GRIN2A: variants seen among roughly 807,000 people sequenced by gnomAD.
GRIN2A encodes glutamate receptor ionotropic, NMDA 2A.
Under a neutral mutation model 113.4 loss-of-function variants are expected in GRIN2A, and 22 were observed. That is an observed-to-expected ratio of 0.19 (90% CI 0.14 to 0.28). The LOEUF (loss-of-function observed/expected upper bound fraction) is 0.28, where lower values mean the gene tolerates loss of function less well. GRIN2A is among the 10% of genes least tolerant of loss of function. The pLI is 1.00. For missense variants in GRIN2A, 1,502 were observed against 1,887.0 expected, an observed-to-expected ratio of 0.80 and a Z score of 3.78; for synonymous variants, 827 against 738.4, an observed-to-expected ratio of 1.12 and a Z score of -1.94.
At chr16:9,803,143 G>A (rs1353940989) in intron 10 of GRIN2A, among the ~76,000 whole-genome samples, 2 of 152,164 alleles carry the variant, frequency 1.3e-5, no homozygotes, top group African/African-American at 2.4e-5. Flanking sequence ...AGTGGCTAGC[G>A]CCTAAAGTCC....
chr16:10,137,547 C>G (rs188137530), intron 2 of GRIN2A, among the ~76,000 whole-genome samples: 4 of 152,326 alleles, frequency 2.6e-5, no homozygotes, highest in Admixed American at 2.0e-4. Flanking sequence ...GGACGAAGTT[C>G]AAACTCCATA....
intron 3 of GRIN2A, among the ~76,000 whole-genome samples, chr16:9,903,258 G>T (rs966253160): frequency 6.6e-6 from 1 of 152,014 alleles, no homozygotes; most frequent in Non-Finnish European, 1.5e-5. Context: ...GTGAGTCACC[G>T]TGCCCGGCCT....
rs1060504864 is a variant in GRIN2A at position 9,764,178 on chromosome 16, A to C, written c.3366T>G (p.Gly1122=). Residue 1122 remains glycine (G), a synonymous_variant, in exon 13 of 13, where the codon GGT becomes GGG. Coordinates refer to ENST00000330684, the MANE Select transcript of GRIN2A (RefSeq NM_001134407.3). The part of the protein sequence containing the change: ...SPRDKIYTID[G]EKEPGFHLDP... ...CTAAGTGGAAACCAGGCTCCTTCTC[A>C]CCATCTATAGTGTAGATCTTGTCTC... 11 of 1,613,352 alleles carry C rather than the reference A, an allele frequency of 6.8e-6. No individual in the cohort carries two copies. In the Admixed American group the frequency reaches 1.8e-4, roughly 27 times the overall value.
rs1432754649 is a variant in GRIN2A at position 9,840,917 on chromosome 16, G to A, written c.1497+19C>T. ...CCCTTTGTCTGAGTAAGAGCCTAGGGGATGAAAAGATAACTTACTTCACCG... is the reference window on the plus strand; with the variant it reads ...CCCTTTGTCTGAGTAAGAGCCTAGGAGATGAAAAGATAACTTACTTCACCG... On this transcript the variant is annotated intron_variant, in intron 6 of 12. Transcript: ENST00000330684. 4 of 1,612,818 alleles carry A rather than the reference G, an allele frequency of 2.5e-6. No individual in the cohort carries two copies. The South Asian group carries it at 4.4e-5, about 18-fold the overall frequency.
chr16:9,792,687 C>A (rs1297027390), intron 11 of GRIN2A, among the ~76,000 whole-genome samples: 4 of 151,892 alleles, frequency 2.6e-5, no homozygotes, highest in African/African-American at 9.7e-5. Context: ...GTTAAATGAC[C>A]TCAGACTAGA....
chr16:9,944,719 T>A (rs1567192301), intron 2 of GRIN2A, among the ~76,000 whole-genome samples: 1 of 152,156 alleles, frequency 6.6e-6, no homozygotes, highest in Non-Finnish European at 1.5e-5. Context: ...CCTTGCAGAC[T>A]GCTGGACCAC....
At chr16:10,135,484 T>C (rs564923322) in intron 2 of GRIN2A, among the ~76,000 whole-genome samples, 1 of 152,368 alleles carries the variant, frequency 6.6e-6, no homozygotes, top group South Asian at 2.1e-4. Flanking sequence ...CTCCAAATTA[T>C]TCTAGCCTCT....
intron 2 of GRIN2A, among the ~76,000 whole-genome samples, chr16:9,962,123 A>G (rs1238241619): frequency 6.6e-6 from 1 of 152,254 alleles, no homozygotes; most frequent in East Asian, 1.9e-4. Context: ...AAGATGGATT[A>G]AAGACTTATA....
chr16:9,796,980 TA>T (rs1301784072), intron 11 of GRIN2A, among the ~76,000 whole-genome samples: 1 of 152,216 alleles, frequency 6.6e-6, no homozygotes, highest in African/African-American at 2.4e-5. Flanking sequence ...GAGTTAAATA[TA>T]AAACACATTT....
At chr16:10,083,738 T>C (rs2048030661) in intron 2 of GRIN2A, among the ~76,000 whole-genome samples, 1 of 152,254 alleles carries the variant, frequency 6.6e-6, no homozygotes, top group African/African-American at 2.4e-5. Context: ...GAATTCTTTC[T>C]ATGAAGAGTC....
intron 10 of GRIN2A, among the ~76,000 whole-genome samples, chr16:9,815,040 A>AAT (rs371827140): frequency 6.7e-6 from 1 of 148,362 alleles, no homozygotes. Flanking sequence ...AAAAAAAAAA[A>AAT]GGTACATTCC....
intron 5 of GRIN2A, among the ~76,000 whole-genome samples, chr16:9,846,471 C>G (rs2042774336): frequency 6.6e-6 from 1 of 152,170 alleles, no homozygotes; most frequent in Non-Finnish European, 1.5e-5. Context: ...ATCTCAAGGA[C>G]TGAGATCTGG....
At chr16:10,148,674 C>G (rs1052360795) in intron 2 of GRIN2A, among the ~76,000 whole-genome samples, 7 of 152,190 alleles carry the variant, frequency 4.6e-5, no homozygotes, top group Non-Finnish European at 1.0e-4. Flanking sequence ...TATTAAAACT[C>G]TAACTAAAAA....
chr16:9,939,299 G>A (rs1469392697), intron 2 of GRIN2A, among the ~76,000 whole-genome samples: 2 of 152,192 alleles, frequency 1.3e-5, no homozygotes, highest in East Asian at 3.9e-4. Context: ...GGAATCCCGA[G>A]GATGCACTGC....
intron 11 of GRIN2A, among the ~76,000 whole-genome samples, chr16:9,789,075 T>A (rs1344493845): frequency 2.0e-5 from 3 of 152,194 alleles, no homozygotes; most frequent in Non-Finnish European, 4.4e-5. Context: ...CCAGACAGTC[T>A]AGACTAGGTG....
chr16:9,878,483 G>A (rs2043414930), intron 4 of GRIN2A, among the ~76,000 whole-genome samples: 2 of 152,154 alleles, frequency 1.3e-5, no homozygotes, highest in African/African-American at 4.8e-5. Flanking sequence ...AGAAAATGCA[G>A]AGAATGTTGG....
Position 10,111,933 on chromosome 16 carries a change from G to A in GRIN2A, c.414+68065C>T, listed in dbSNP as rs561592611. 6.7e-6 allele frequency: 5 copies of A among 748,142 alleles called. No homozygotes were observed. In the South Asian group the frequency reaches 7.1e-5, roughly 11 times the overall value. 46.3% of individuals were successfully genotyped at this position (748,142 alleles called of 1,614,324 possible). On this transcript the variant is annotated intron_variant, in intron 2 of 12. Coordinates refer to ENST00000330684, the MANE Select transcript of GRIN2A (RefSeq NM_001134407.3). The stretch of plus-strand genomic sequence containing the variant: ...GTGAGGTGATGACGCCAAGGATCAA[G>A]CTGATGGTGGCTCCAGCAGGCATGA...
At chr16:10,020,026 T>G (rs1021858452) in intron 2 of GRIN2A, among the ~76,000 whole-genome samples, 2 of 152,186 alleles carry the variant, frequency 1.3e-5, no homozygotes, top group African/African-American at 4.8e-5. Context: ...TACACACTCA[T>G]CAAAACATCA....
rs1900241012 is a variant in GRIN2A at position 9,753,414 on chromosome 16, T to C, written c.*9735A>G. ...AAGACCACAACTCAATTTCTCATTT[T>C]CATATCAATTGGCAGAAATTATCTT... On this transcript the variant is annotated 3_prime_UTR_variant, in exon 13 of 13. Transcript: ENST00000330684. 1 of 189,778 alleles carries C rather than the reference T, an allele frequency of 5.3e-6. No homozygotes were observed. The highest frequency in any genetic ancestry group is 2.3e-5 in the African/African-American group (1 of 42,956). 11.8% of individuals were successfully genotyped at this position (189,778 alleles called of 1,614,324 possible). A position where few individuals can be genotyped will look rare whatever the true frequency, so the allele number is the denominator to read the frequency against.
Sources: allele counts gnomAD v4.1 joint callset (sites outside exome capture counted in the v4.1 genomes callset), GRCh38; gene constraint gnomAD v4.1.1; transcripts MANE v1.5; gene names NCBI Gene and HGNC (gene_info 2026-07-23, HGNC 2026-07-21).